The following PFKP variants were observed in gnomAD, a reference collection of about 807,000 sequenced individuals.
The protein encoded by PFKP is phosphofructokinase, platelet.
Under a neutral mutation model 94.3 loss-of-function variants are expected in PFKP, and 101 were observed. The ratio of observed to expected loss-of-function variants is 1.07; its 90% CI spans 0.91 to 1.26. The LOEUF is 1.26. Ranked by LOEUF, PFKP falls within the 50% of genes most tolerant of loss-of-function variation. The pLI is 0.00. For missense variants in PFKP, 1,145 were observed against 1,103.3 expected, an observed-to-expected ratio of 1.04 and a Z score of -0.53; for synonymous variants, 573 against 432.6, an observed-to-expected ratio of 1.32 and a Z score of -4.03.
rs117757259 is a variant in PFKP at position 3,111,102 on chromosome 10, T to G, written c.1090-1120T>G. Among the ~76,000 whole-genome samples, 157 of 151,854 alleles carry G rather than the reference T, an allele frequency of 1.0e-3. 2 individuals are homozygous for G. The East Asian group carries it at 0.025, about 24-fold the overall frequency. On this transcript the variant is annotated intron_variant, in intron 10 of 21. Coordinates refer to ENST00000381125, the MANE Select transcript of PFKP (RefSeq NM_002627.5). ...CATCTGCATGTGTGTGCATGTATGC[T>G]TATATGCATGTGTGAGCATGTTTGA...
chr10:3,075,720 T>A (rs1209567252), intron 1 of PFKP, among the ~76,000 whole-genome samples: 1 of 149,632 alleles, frequency 6.7e-6, no homozygotes, highest in South Asian at 2.2e-4. Context: ...CTGGGCAACA[T>A]GGCAAGACCT....
intron 1 of PFKP, among the ~76,000 whole-genome samples, chr10:3,072,456 A>C (rs1832269636): frequency 6.6e-6 from 1 of 152,188 alleles, no homozygotes; most frequent in Non-Finnish European, 1.5e-5. Flanking sequence ...TCCTGTGTAC[A>C]TACATTATTT....
intron 1 of PFKP, among the ~76,000 whole-genome samples, chr10:3,080,105 C>G (rs564003120): frequency 6.6e-6 from 1 of 151,378 alleles, no homozygotes; most frequent in Non-Finnish European, 1.5e-5. Flanking sequence ...GGAACAGGAG[C>G]CTCCGAGTGC....
chr10:3,077,258 TTTC>T (rs1230022143), intron 1 of PFKP, among the ~76,000 whole-genome samples: 22 of 68,090 alleles, frequency 3.2e-4, no homozygotes, highest in African/African-American at 5.6e-4. Context: ...ACTTTTTTTT[TTTC>T]TTTTTTTTTT....
At chr10:3,103,479 C>CA (rs1447964595) in intron 4 of PFKP, among the ~76,000 whole-genome samples, 5 of 151,806 alleles carry the variant, frequency 3.3e-5, no homozygotes, top group Admixed American at 2.0e-4. Context: ...TGTGGGTCTA[C>CA]AAAAAAAATT....
intron 16 of PFKP, chr10:3,129,303 G>GT (rs1838290050): frequency 6.6e-6 from 1 of 152,420 alleles, no homozygotes; most frequent in Non-Finnish European, 1.5e-5. Context: ...TTCCATAAAT[G>GT]TAACATTCGC....
At chr10:3,071,175 T>G (rs1832148930) in intron 1 of PFKP, among the ~76,000 whole-genome samples, 1 of 152,148 alleles carries the variant, frequency 6.6e-6, no homozygotes, top group Admixed American at 6.6e-5. Context: ...GGTGGCTTTG[T>G]TAGGGGAACG....
At chr10:3,087,362 G>A (rs926932116) in intron 2 of PFKP, among the ~76,000 whole-genome samples, 1 of 152,148 alleles carries the variant, frequency 6.6e-6, no homozygotes, top group Admixed American at 6.5e-5. Flanking sequence ...CATGGCCGCA[G>A]GTGCTGTCTG....
At chr10:3,070,944 C>T (rs138851259) in intron 1 of PFKP, among the ~76,000 whole-genome samples, 2 of 149,812 alleles carry the variant, frequency 1.3e-5, no homozygotes, top group African/African-American at 4.8e-5. Flanking sequence ...GACAGGATCT[C>T]ACTATGCTGC....
At chr10:3,078,696 C>G (rs554825752) in intron 1 of PFKP, among the ~76,000 whole-genome samples, 2 of 152,258 alleles carry the variant, frequency 1.3e-5, no homozygotes, top group African/African-American at 2.4e-5. Context: ...TCAGTTTATC[C>G]CCCTAAGAGC....
At chr10:3,100,863 A>AAAATAAAAAAAT in intron 3 of PFKP, 2 of 158,326 alleles carry the variant, frequency 1.3e-5, no homozygotes, top group Non-Finnish European at 1.7e-5. Flanking sequence ...TATGTGGTGC[A>AAAATAAAAAAAT]AAAAAAAAAA....
Position 3,082,471 on chromosome 10 carries a change from T to C in PFKP, c.186+10T>C. 6.3e-7 allele frequency: 1 copy of C among 1,596,380 alleles called. No individual in the cohort carries two copies. Among genetic ancestry groups the C allele is most frequent in the Non-Finnish European group, 8.6e-7 (1 of 1,167,920 alleles). ...GTACTTCATCTACGAGGTCAGTGTC[T>C]GCCCCTCACCCCCTGTCGCCCTTCT... On this transcript the variant is annotated intron_variant, in intron 2 of 21. Transcript: ENST00000381125.
rs777210765 is a variant in PFKP at position 3,100,978 on chromosome 10, G to C, written c.265-387G>C. 2.5e-6 allele frequency: 4 copies of C among 1,611,928 alleles called. No individual in the cohort carries two copies. In the African/African-American group the frequency reaches 4.0e-5, roughly 16 times the overall value. On this transcript the variant is annotated intron_variant, in intron 3 of 21. Transcript: ENST00000381125. ...GGCTGCTGGTCACACCGCTTCCCTT[G>C]TCCTGGCCGGCATGCTCTGGTGGTC...
At chr10:3,069,556 T>G (rs927348190) in intron 1 of PFKP, among the ~76,000 whole-genome samples, 28 of 151,782 alleles carry the variant, frequency 1.8e-4, no homozygotes, top group African/African-American at 6.1e-4. Flanking sequence ...CCAGGGCGGG[T>G]GGAAAGTCAG....
chr10:3,078,910 T>A (rs1197351727), intron 1 of PFKP, among the ~76,000 whole-genome samples: 1 of 152,212 alleles, frequency 6.6e-6, no homozygotes, highest in African/African-American at 2.4e-5. Context: ...TACCAATGCA[T>A]AAATTAATAG....
rs1455164737 is a variant in PFKP at position 3,134,498 on chromosome 10, C to T, written c.2038C>T (p.Pro680Ser). The change falls in exon 20 of 22, where the codon CCA becomes TCA. Residue 680 changes from proline (P) to serine (S), a missense_variant. Around this residue, in one of 3 missense-constraint regions of PFKP, gnomAD observed 1,119 missense variants for 1,062.8 expected, o/e 1.05. Transcript: ENST00000381125. ...GHMQQGGAPS[P>S]FDRNFGTKIS... is the part of the protein sequence containing the mutation. ...CCACCAACAGGGTGGGGCACCCTCT[C>T]CATTTGATAGAAACTTTGGAACCAA... 6.2e-7 allele frequency: 1 copy of T among 1,612,614 alleles called. No individual in the cohort carries two copies. The highest frequency in any genetic ancestry group is 8.5e-7 in the Non-Finnish European group (1 of 1,178,644).
chr10:3,098,226 T>C (rs1834656049), intron 2 of PFKP, among the ~76,000 whole-genome samples: 1 of 152,176 alleles, frequency 6.6e-6, no homozygotes, highest in Admixed American at 6.5e-5. Flanking sequence ...AACAATAATC[T>C]ATCATGAACT....
intron 2 of PFKP, among the ~76,000 whole-genome samples, chr10:3,087,915 T>A (rs1833724837): frequency 6.6e-6 from 1 of 151,186 alleles, no homozygotes; most frequent in Admixed American, 6.6e-5. Context: ...GCTGTAGCAA[T>A]AAATGTTGAA....
At chr10:3,069,017 C>G (rs548244024) in intron 1 of PFKP, among the ~76,000 whole-genome samples, 1 of 150,814 alleles carries the variant, frequency 6.6e-6, no homozygotes, top group African/African-American at 2.4e-5. Flanking sequence ...GGTTGAGGCG[C>G]TGTGGGCGCC....
Sources: allele counts gnomAD v4.1 joint callset (sites outside exome capture counted in the v4.1 genomes callset), GRCh38; gene constraint gnomAD v4.1.1; regional missense constraint gnomAD v4.1.1; transcripts MANE v1.5; gene names NCBI Gene and HGNC (gene_info 2026-07-23, HGNC 2026-07-21).